The following STT3B variants were observed in gnomAD, a reference collection of about 807,000 sequenced individuals.
STT3B encodes STT3 oligosaccharyltransferase complex catalytic subunit B.
A neutral mutation model predicts 96.8 loss-of-function variants in STT3B; 29 were observed. The observed-to-expected ratio is 0.30, with a 90% CI of 0.22 to 0.41. The LOEUF (loss-of-function observed/expected upper bound fraction) is 0.41, where lower values mean the gene tolerates loss of function less well. STT3B is among the 10% of genes least tolerant of loss of function. The pLI is 1.00. For synonymous variants in STT3B, 367 were observed against 360.0 expected (o/e 1.02, Z -0.22); for missense variants, 640 against 1,022.3 (o/e 0.63, Z 5.10).
intron 3 of STT3B, among the ~76,000 whole-genome samples, chr3:31,591,852 A>C: frequency 6.6e-6 from 1 of 152,136 alleles, no homozygotes; most frequent in Non-Finnish European, 1.5e-5. Context: ...CATTTTTTAT[A>C]ATTTCCTTTT....
rs1455885852 is a variant in STT3B, at chr3:31,581,760, A to G, written c.711+1664A>G. 2.0e-5 allele frequency among the ~76,000 whole-genome samples: 3 copies of G among 152,116 alleles called. No homozygotes were observed. The East Asian group carries it at 5.8e-4, about 29-fold the overall frequency. On this transcript the variant is annotated intron_variant, in intron 3 of 15. Transcript: ENST00000295770. Reference sequence around the variant, plus strand: ...CTTCAGTTTTTGGAAAAGATTGAGGAGGATTAGTGTTGGTTCAGTTCTTTA... The same window carrying G: ...CTTCAGTTTTTGGAAAAGATTGAGGGGGATTAGTGTTGGTTCAGTTCTTTA...
chr3:31,590,553 T>A (rs1160181406), intron 3 of STT3B, among the ~76,000 whole-genome samples: 1 of 152,026 alleles, frequency 6.6e-6, no homozygotes, highest in Non-Finnish European at 1.5e-5. Flanking sequence ...TTTCTAAGCA[T>A]GGTGTTTAAT....
chr3:31,543,202 G>A (rs1054511546), intron 1 of STT3B, among the ~76,000 whole-genome samples: 1 of 152,010 alleles, frequency 6.6e-6, no homozygotes, highest in Non-Finnish European at 1.5e-5. Context: ...ATTTTACTTA[G>A]GACTGTTTAT....
intron 14 of STT3B, among the ~76,000 whole-genome samples, chr3:31,630,772 G>T (rs1699638162): frequency 6.8e-6 from 1 of 146,382 alleles, no homozygotes; most frequent in South Asian, 2.3e-4. Flanking sequence ...TGTGAATCAA[G>T]TTTTACCGTG....
intron 1 of STT3B, among the ~76,000 whole-genome samples, chr3:31,559,444 A>AT (rs1697812521): frequency 1.3e-5 from 2 of 149,206 alleles, no homozygotes; most frequent in Admixed American, 6.7e-5. Context: ...CTCCTTTAAA[A>AT]TTTTTTCCTT....
Position 31,616,991 on chromosome 3 carries a change from C to G in STT3B, c.1039C>G (p.Gln347Glu), listed in dbSNP as rs868830206. 4 of 1,612,036 alleles carry G rather than the reference C, an allele frequency of 2.5e-6. No homozygotes were observed. The Admixed American group carries it at 5.0e-5, about 20-fold the overall frequency. The change falls in exon 7 of 16, where the codon CAA (glutamine) becomes GAA (glutamate). Residue 347 changes from glutamine to glutamate, a missense_variant. Transcript: ENST00000295770. Reference sequence around the variant, plus strand: ...GTATCTGAGAGACCGATTAACAAAACAAGAGTTCCAGACCCTTTTCTTTTT... The same window carrying G: ...GTATCTGAGAGACCGATTAACAAAAGAAGAGTTCCAGACCCTTTTCTTTTT... ...LQYLRDRLTK[Q>E]EFQTLFFLGV...
Position 31,617,881 on chromosome 3 carries a change from A to G in STT3B, c.1124-59A>G. On this transcript the variant is annotated intron_variant, in intron 7 of 15. Transcript: ENST00000295770. ...AATTAGCAATAAACATAAAGGCAAT[A>G]AAAGATTTACAAAATAATAAAAAGG... The G allele has an allele frequency of 5.9e-6, 7 of 1,184,870 alleles. No individual in the cohort carries two copies. The South Asian group carries it at 8.7e-5, about 15-fold the overall frequency. 73.4% of individuals were successfully genotyped at this position (1,184,870 alleles called of 1,614,324 possible).
chr3:31,539,470 G>A (rs756528826), intron 1 of STT3B, among the ~76,000 whole-genome samples: 3 of 152,248 alleles, frequency 2.0e-5, no homozygotes, highest in Non-Finnish European at 2.9e-5. Flanking sequence ...GAAGGATACA[G>A]ATCTGCCAGA....
chr3:31,551,126 A>G (rs898231387), intron 1 of STT3B, among the ~76,000 whole-genome samples: 1 of 152,088 alleles, frequency 6.6e-6, no homozygotes, highest in African/African-American at 2.4e-5. Flanking sequence ...TTTGCCTTTT[A>G]CTTTTCTATT....
chr3:31,596,929 C>A, intron 4 of STT3B, 66 bp downstream of exon 4: 1 of 1,147,636 alleles, frequency 8.7e-7, no homozygotes, highest in Non-Finnish European at 1.3e-6. Flanking sequence ...CAGTTCTTTT[C>A]TCCTGAAGTC....
At chr3:31,544,943 C>CG (rs113666822) in intron 1 of STT3B, among the ~76,000 whole-genome samples, 3,943 of 150,950 alleles carry the variant, frequency 0.026, 122 homozygotes, top group African/African-American at 0.066. Flanking sequence ...TCTCAGGGAG[C>CG]GGGGGGGGAA....
Position 31,541,542 on chromosome 3 carries a change from A to G in STT3B, c.314+8230A>G, listed in dbSNP as rs371774866. 4.2e-5 allele frequency among the ~76,000 whole-genome samples: 6 copies of G among 143,904 alleles called. No individual in the cohort carries two copies. The South Asian group carries it at 8.6e-4, about 21-fold the overall frequency. The allele number at this position is 143,904 out of a possible 152,430, so 94.4% of individuals were successfully genotyped here. A position where few individuals can be genotyped will look rare whatever the true frequency, so the allele number is the denominator to read the frequency against. On this transcript the variant is annotated intron_variant, in intron 1 of 15. Coordinates refer to ENST00000295770, the MANE Select transcript of STT3B (RefSeq NM_178862.3). ...TGTTGGTCAAAGGATTGTTGACAATATGTACGTAAGTAATAAAGTTCAGCA... is the reference window on the plus strand; with the variant it reads ...TGTTGGTCAAAGGATTGTTGACAATGTGTACGTAAGTAATAAAGTTCAGCA...
chr3:31,635,455 A>T (rs1161838226), intron 15 of STT3B, among the ~76,000 whole-genome samples: 1 of 152,184 alleles, frequency 6.6e-6, no homozygotes, highest in Admixed American at 6.6e-5. Flanking sequence ...TTACATTTTC[A>T]ATTGCTTATT....
In STT3B at chr3:31,625,862, G is replaced by T. The variant is rs1699525960; in HGVS notation, c.1900-92G>T. On this transcript the variant is annotated intron_variant, in intron 12 of 15. Coordinates refer to ENST00000295770, the MANE Select transcript of STT3B (RefSeq NM_178862.3). ...AAAATTCCATGTAAAACAAACTCTT[G>T]ATGAATTCCATGTTGTAGTAAAAAA... 5.0e-6 allele frequency: 6 copies of T among 1,210,796 alleles called. No individual in the cohort carries two copies. The East Asian group carries it at 1.2e-4, about 25-fold the overall frequency. 75.0% of individuals were successfully genotyped at this position (1,210,796 alleles called of 1,614,324 possible). A position where few individuals can be genotyped will look rare whatever the true frequency, so the allele number is the denominator to read the frequency against.
intron 1 of STT3B, among the ~76,000 whole-genome samples, chr3:31,563,094 C>A (rs189657493): frequency 3.3e-5 from 5 of 152,250 alleles, no homozygotes; most frequent in Admixed American, 6.5e-5. Context: ...GCCGAACAGG[C>A]TTGTTTCCCT....
At chr3:31,583,982 A>T (rs1429230856) in intron 3 of STT3B, among the ~76,000 whole-genome samples, 1 of 152,090 alleles carries the variant, frequency 6.6e-6, no homozygotes, top group East Asian at 1.9e-4. Flanking sequence ...ATATTTAAGG[A>T]AACTGTTGGC....
At chr3:31,580,229 A>C (rs1337400440) in intron 3 of STT3B, 133 bp downstream of exon 3, 1 of 793,788 alleles carries the variant, frequency 1.3e-6, no homozygotes, top group African/African-American at 1.7e-5. Context: ...GTTCATAATC[A>C]ATTTAATAAT....
rs1441748373 is a variant in STT3B, at chr3:31,623,870, A to G, written c.1727+9A>G. The G allele has an allele frequency of 6.4e-7, 1 of 1,568,488 alleles. No individual in the cohort carries two copies. ...TCATACAATCATGATGGGTAAGAAA[A>G]TAACTCGGATACAAAAACATTTTAT... On this transcript the variant is annotated intron_variant, in intron 11 of 15. Coordinates refer to ENST00000295770, the MANE Select transcript of STT3B (RefSeq NM_178862.3).
At chr3:31,616,729 GAAA>G (rs377008239) in intron 6 of STT3B, among the ~76,000 whole-genome samples, 197 bp from the exon 7 acceptor site, 1 of 138,166 alleles carries the variant, frequency 7.2e-6, no homozygotes, top group African/African-American at 2.6e-5. Context: ...GATCATTTAG[GAAA>G]AAAAAAAAAA....
Sources: gnomAD v4.1 joint callset for allele counts (sites outside exome capture counted in the v4.1 genomes callset) on GRCh38, gnomAD v4.1.1 for gene constraint, MANE v1.5 for transcripts, NCBI Gene and HGNC (gene_info 2026-07-23, HGNC 2026-07-21) for gene names.